IL16: variants seen among roughly 807,000 people sequenced by gnomAD.
IL16 encodes the protein pro-interleukin-16.
IL16 carries 67 observed loss-of-function variants against 110.1 expected under a neutral mutation model. The observed-to-expected ratio is 0.61, with a 90% CI of 0.50 to 0.75. IL16 has a LOEUF of 0.75. IL16 is among the 30% of genes least tolerant of loss of function. The pLI, the probability that IL16 is intolerant of heterozygous loss-of-function variation, is 0.00. For synonymous variants in IL16, 689 were observed against 662.9 expected, an observed-to-expected ratio of 1.04 and a Z score of -0.61; for missense variants, 1,545 against 1,655.0, an observed-to-expected ratio of 0.93 and a Z score of 1.15.
At chr15:81,296,847 G>T in intron 12 of IL16, 81 bp from the exon 13 acceptor site, 1 of 1,288,194 alleles carries the variant, frequency 7.8e-7, no homozygotes, top group African/African-American at 1.5e-5. Context: ...CCGTTTTTCC[G>T]TCCCAATCAA....
At chr15:81,224,402 C>T (rs966608636) in intron 1 of IL16, among the ~76,000 whole-genome samples, 1 of 152,194 alleles carries the variant, frequency 6.6e-6, no homozygotes, top group African/African-American at 2.4e-5. Context: ...TTCATGGAAA[C>T]TGAATCCATG....
chr15:81,208,398 C>T (rs2141981765), intron 1 of IL16, among the ~76,000 whole-genome samples: 1 of 152,330 alleles, frequency 6.6e-6, no homozygotes, highest in Non-Finnish European at 1.5e-5. Context: ...ATGATCTCAG[C>T]TTACTGCAAT....
Position 81,278,901 on chromosome 15 carries a change from C to T in IL16, c.864+11C>T. On this transcript the variant is annotated intron_variant, in intron 7 of 18. Transcript: ENST00000683961. ...TTGCAGAAGTTCAAGGTGACCATTTCTTATCAACACGTGACCAAACTCTGG... is the reference window on the plus strand; with the variant it reads ...TTGCAGAAGTTCAAGGTGACCATTTTTTATCAACACGTGACCAAACTCTGG... 6.3e-7 allele frequency: 1 copy of T among 1,592,136 alleles called. No individual in the cohort carries two copies. The highest frequency in any genetic ancestry group is 8.6e-7 in the Non-Finnish European group (1 of 1,159,936).
At position 81,300,041 on chromosome 15, in the gene IL16, C is replaced by T. The variant is rs748116927; in HGVS notation, c.2715C>T (p.Ser905=). ...LVPQQPEQVL[S]SGSPAASEAR... is the part of the protein sequence containing the mutation. ...CCCAGCAGCCTGAGCAAGTACTGTCCTCGGGGTCCCCTGCAGCCTCCGAGG... is the reference window on the plus strand; with the variant it reads ...CCCAGCAGCCTGAGCAAGTACTGTCTTCGGGGTCCCCTGCAGCCTCCGAGG... The change falls in exon 14 of 19, where the codon TCC becomes TCT. Residue 905 remains serine (S), a synonymous_variant. Coordinates refer to ENST00000683961, the MANE Select transcript of IL16 (RefSeq NM_172217.5). The T allele has an allele frequency of 1.9e-6, 3 of 1,569,566 alleles. No individual in the cohort carries two copies. In the South Asian group the frequency reaches 3.6e-5, roughly 19 times the overall value.
At chr15:81,256,109 G>A (rs1049662589) in intron 2 of IL16, among the ~76,000 whole-genome samples, 1 of 152,136 alleles carries the variant, frequency 6.6e-6, no homozygotes, top group Non-Finnish European at 1.5e-5. Context: ...CATGTCTGCT[G>A]TCACATCCTC....
chr15:81,234,529 C>G (rs765627573), intron 2 of IL16, among the ~76,000 whole-genome samples: 2 of 152,160 alleles, frequency 1.3e-5, no homozygotes, highest in Non-Finnish European at 2.9e-5. Flanking sequence ...TTAGGACACA[C>G]AACTCCATTT....
intron 6 of IL16, among the ~76,000 whole-genome samples, chr15:81,275,018 C>T (rs1898832242): frequency 6.6e-6 from 1 of 151,790 alleles, no homozygotes; most frequent in African/African-American, 2.4e-5. Context: ...GAGAAGGGAG[C>T]AGATGAGAGA....
chr15:81,182,763 A>G (rs1895363003), exon 1 of IL16: 1 of 684,402 alleles, frequency 1.5e-6, no homozygotes, highest in African/African-American at 1.8e-5. Context: ...AAATACTCCC[A>G]GCCGAGAAGC....
chr15:81,249,714 A>T (rs185077682), intron 2 of IL16, among the ~76,000 whole-genome samples: 56 of 152,206 alleles, frequency 3.7e-4, no homozygotes, highest in African/African-American at 1.3e-3. Context: ...TCATGAATTG[A>T]TGCATTTCTT....
chr15:81,255,850 GTGCCTTGGAC>G (rs1319458377), intron 2 of IL16, among the ~76,000 whole-genome samples: 9 of 152,182 alleles, frequency 5.9e-5, no homozygotes, highest in African/African-American at 2.2e-4. Flanking sequence ...ATTTCCAACT[GTGCCTTGGAC>G]TCAGGACTTA....
chr15:81,236,905 C>T (rs1005667281), intron 2 of IL16, among the ~76,000 whole-genome samples: 2 of 152,126 alleles, frequency 1.3e-5, no homozygotes, highest in African/African-American at 4.8e-5. Flanking sequence ...TTGCAGTGAG[C>T]TGAGATCGCA....
rs191107915 is a variant in IL16, at chr15:81,247,614, A to G, written c.313-12158A>G. Among the ~76,000 whole-genome samples, 102 of 152,306 alleles carry G rather than the reference A, an allele frequency of 6.7e-4. 2 individuals carry two copies. Among genetic ancestry groups the G allele is most frequent in the Middle Eastern group, 6.8e-3 (2 of 294 alleles). On this transcript the variant is annotated intron_variant, in intron 2 of 18. Transcript: ENST00000683961. Reference sequence around the variant, plus strand: ...GGTTCCCTCTTACATAACTATAGTAAAACATCAAAACCACAAATTTGACAT... The same window carrying G: ...GGTTCCCTCTTACATAACTATAGTAGAACATCAAAACCACAAATTTGACAT...
At chr15:81,250,354 T>A (rs1897725676) in intron 2 of IL16, among the ~76,000 whole-genome samples, 1 of 152,080 alleles carries the variant, frequency 6.6e-6, no homozygotes, top group East Asian at 1.9e-4. Flanking sequence ...TCTTTTTTAT[T>A]TTAAATAGAG....
rs373504063 is a variant in IL16, at chr15:81,299,417, G to A, written c.2091G>A (p.Lys697=). The change falls in exon 14 of 19, where the codon AAG becomes AAA. Residue 697 remains lysine (K), a synonymous_variant. Transcript: ENST00000683961. ...QTSPIKHPLL[K]RQARMDYSFD... Reference sequence around the variant, plus strand: ...CCCCGATAAAACACCCACTGCTTAAGAGGCAGGCTCGGATGGACTATAGCT... The same window carrying A: ...CCCCGATAAAACACCCACTGCTTAAAAGGCAGGCTCGGATGGACTATAGCT... The A allele has an allele frequency of 6.2e-7, 1 of 1,614,044 alleles. No homozygotes were observed. The highest frequency in any genetic ancestry group is 8.5e-7 in the Non-Finnish European group (1 of 1,180,040).
intron 1 of IL16, 80 bp downstream of exon 1, chr15:81,197,232 TG>T: frequency 1.0e-6 from 1 of 971,702 alleles, no homozygotes. Context: ...CTGACCTGAA[TG>T]GGGAGGGTCT....
intron 1 of IL16, among the ~76,000 whole-genome samples, chr15:81,207,530 C>A (rs762278888): frequency 1.3e-5 from 2 of 151,934 alleles, no homozygotes; most frequent in Non-Finnish European, 2.9e-5. Flanking sequence ...CACCCACCCC[C>A]TCTAGTAGTC....
upstream of IL16, among the ~76,000 whole-genome samples, chr15:81,192,239 A>G (rs1171741496): frequency 6.6e-6 from 1 of 152,228 alleles, no homozygotes; most frequent in African/African-American, 2.4e-5. Flanking sequence ...AGTATTCGGG[A>G]GTTCTGTACT....
At chr15:81,228,114 C>CAAG (rs1236346362) in intron 2 of IL16, among the ~76,000 whole-genome samples, 1 of 151,972 alleles carries the variant, frequency 6.6e-6, no homozygotes, top group African/African-American at 2.4e-5. Context: ...CAAAGACAGG[C>CAAG]GAGGAGAGGT....
intron 11 of IL16, chr15:81,292,103 A>G (rs73501762): frequency 2.6e-6 from 1 of 391,686 alleles, no homozygotes; most frequent in Non-Finnish European, 5.1e-6. Flanking sequence ...TCTGCAGCCA[A>G]AGTCCCCATT....
Sources: gnomAD v4.1 joint callset for allele counts (sites outside exome capture counted in the v4.1 genomes callset) on GRCh38, gnomAD v4.1.1 for gene constraint, MANE v1.5 for transcripts, NCBI Gene and HGNC (gene_info 2026-07-23, HGNC 2026-07-21) for gene names.